Variants in PPHLN1 observed in about 807,000 individuals in gnomAD.
The protein encoded by PPHLN1 is periphilin 1.
PPHLN1 carries 29 observed loss-of-function variants against 51.3 expected under a neutral mutation model. The observed-to-expected ratio is 0.57, with a 90% CI of 0.42 to 0.77. The LOEUF (loss-of-function observed/expected upper bound fraction) is 0.77. PPHLN1 is among the 30% of genes least tolerant of loss of function. The pLI, the probability that PPHLN1 is intolerant of heterozygous loss-of-function variation, is 0.00. For missense variants in PPHLN1, 436 were observed against 438.4 expected (o/e 0.99, Z 0.05); for synonymous variants, 147 against 147.8 (o/e 0.99, Z 0.04).
At chr12:42,353,451 G>A (rs1230351082) in intron 3 of PPHLN1, among the ~76,000 whole-genome samples, 3 of 152,318 alleles carry the variant, frequency 2.0e-5, no homozygotes, top group South Asian at 4.1e-4. Flanking sequence ...ATGGGAGTCT[G>A]GTTTCTCTTA....
chr12:42,332,693 A>G (rs1210590728), intron 1 of PPHLN1: 1 of 1,538,988 alleles, frequency 6.5e-7, no homozygotes, highest in East Asian at 2.3e-5. Flanking sequence ...TGATTCCTAA[A>G]AGGACTCAAG....
Position 42,441,691 on chromosome 12 carries a change from T to C in PPHLN1, c.*182T>C. ...TGTTTAAAATGTTTGATTCAAATTTTTGTATTTTTTGTAGAGATGGGGTTC... is the reference window on the plus strand; with the variant it reads ...TGTTTAAAATGTTTGATTCAAATTTCTGTATTTTTTGTAGAGATGGGGTTC... On this transcript the variant is annotated 3_prime_UTR_variant, in exon 10 of 10. Coordinates refer to ENST00000358314, the MANE Select transcript of PPHLN1 (RefSeq NM_201439.2). 1 of 1,272,166 alleles carries C rather than the reference T, an allele frequency of 7.9e-7. No individual in the cohort carries two copies. Among genetic ancestry groups the C allele is most frequent in the Non-Finnish European group, 1.0e-6 (1 of 994,628 alleles). 78.8% of individuals were successfully genotyped at this position (1,272,166 alleles called of 1,614,324 possible). A position where few individuals can be genotyped will look rare whatever the true frequency, so the allele number is the denominator to read the frequency against.
At chr12:42,446,512 C>T (rs2083331495), downstream of PPHLN1, 2 of 1,525,292 alleles carry the variant, frequency 1.3e-6, no homozygotes, top group African/African-American at 2.8e-5. Flanking sequence ...AAGACCCCCA[C>T]TCCTGGGGGT....
At chr12:42,446,099 C>T, downstream of PPHLN1, 1 of 1,553,438 alleles carries the variant, frequency 6.4e-7, no homozygotes. Context: ...GCAGCCCCTG[C>T]AGCCCCGGAA....
intron 3 of PPHLN1, among the ~76,000 whole-genome samples, chr12:42,354,484 A>G (rs902737543): frequency 1.3e-5 from 2 of 152,326 alleles, no homozygotes; most frequent in East Asian, 1.9e-4. Flanking sequence ...TGCTGGAATT[A>G]CAGGCGTGAG....
At chr12:42,445,074 A>G (rs1265475029), downstream of PPHLN1, 2 of 702,036 alleles carry the variant, frequency 2.8e-6, 1 homozygote, top group South Asian at 3.0e-5. Flanking sequence ...CATTAAGTCT[A>G]CTCTCGAGCC....
At chr12:42,388,658 C>T (rs796279622) in intron 7 of PPHLN1, among the ~76,000 whole-genome samples, 7 of 152,164 alleles carry the variant, frequency 4.6e-5, no homozygotes, top group African/African-American at 1.4e-4. Context: ...CTCAGTCTCT[C>T]GTCCCACCTG....
At chr12:42,433,426 C>T in intron 9 of PPHLN1, 1 of 302,988 alleles carries the variant, frequency 3.3e-6, no homozygotes, top group Non-Finnish European at 6.3e-6. Context: ...GGGTTCATGC[C>T]ATTCTCCTGC....
downstream of PPHLN1, chr12:42,445,812 TA>T (rs2140050701): frequency 2.5e-6 from 2 of 790,620 alleles, no homozygotes; most frequent in East Asian, 5.7e-5. Context: ...TTCTGAAATT[TA>T]GATGATAAAT....
intron 9 of PPHLN1, among the ~76,000 whole-genome samples, chr12:42,412,009 A>G (rs1210311474): frequency 6.6e-6 from 1 of 151,436 alleles, no homozygotes; most frequent in Non-Finnish European, 1.5e-5. Context: ...GTTCGAGACT[A>G]CCCTGGCCAA....
rs547909121 is a variant in PPHLN1, at chr12:42,427,178, C to T, written c.910-14137C>T. ...AAATTATTTCATGAAGACTGGACTA[C>T]CTCATCTGTGAAATTGTAAAAAGAT... is the stretch of plus-strand genomic sequence containing the variant. On this transcript the variant is annotated intron_variant, in intron 9 of 9. Transcript: ENST00000358314. Among the ~76,000 whole-genome samples, 12 of 152,248 alleles carry T rather than the reference C, an allele frequency of 7.9e-5. No homozygotes were observed. In the South Asian group the frequency reaches 2.3e-3, roughly 29 times the overall value.
chr12:42,417,697 A>T (rs1328878957), intron 9 of PPHLN1, among the ~76,000 whole-genome samples: 3 of 140,812 alleles, frequency 2.1e-5, no homozygotes, highest in South Asian at 2.5e-4. Flanking sequence ...GGTGGTGAAG[A>T]TGATGATTTT....
chr12:42,370,078 T>C (rs143770910), intron 4 of PPHLN1, among the ~76,000 whole-genome samples: 302 of 152,374 alleles, frequency 2.0e-3, no homozygotes, highest in South Asian at 4.8e-3. Flanking sequence ...ATTTCTGCTT[T>C]CTGACTTCTG....
chr12:42,328,106 G>A lies in PPHLN1; in HGVS notation c.-21+1877G>A, dbSNP rs143543324. 5.9e-5 allele frequency among the ~76,000 whole-genome samples: 9 copies of A among 152,226 alleles called. No homozygotes were observed. The East Asian group carries it at 1.7e-3, about 29-fold the overall frequency. On this transcript the variant is annotated intron_variant, in intron 1 of 9. Transcript: ENST00000358314. The stretch of plus-strand genomic sequence containing the variant: ...TTGGAATCTGTTTTAAGTCTTGTAG[G>A]GTTTATATAATGGGCTTTGTGGAGA...
At chr12:42,333,784 C>T (rs2406676) in intron 1 of PPHLN1, among the ~76,000 whole-genome samples, 12,320 of 152,216 alleles carry the variant, frequency 0.081, 541 homozygotes, top group East Asian at 0.15. Context: ...GCCCGGCCAA[C>T]CTCCTTTACT....
chr12:42,375,772 T>A (rs913998292), intron 5 of PPHLN1, among the ~76,000 whole-genome samples: 1 of 152,228 alleles, frequency 6.6e-6, no homozygotes, highest in African/African-American at 2.4e-5. Context: ...CTGAGTTGCT[T>A]AGTATGTGTT....
downstream of PPHLN1, chr12:42,446,046 T>G: frequency 1.3e-6 from 2 of 1,549,962 alleles, no homozygotes; most frequent in Non-Finnish European, 1.7e-6. Context: ...GTACCAGAAA[T>G]GAAGGAAACG....
chr12:42,405,636 G>A (rs1026984784), intron 9 of PPHLN1, among the ~76,000 whole-genome samples: 1 of 151,210 alleles, frequency 6.6e-6, no homozygotes, highest in Non-Finnish European at 1.5e-5. Flanking sequence ...ATCAGACAAT[G>A]CAATATATGT....
chr12:42,338,905 T>C (rs943715878), intron 2 of PPHLN1, among the ~76,000 whole-genome samples: 3 of 152,208 alleles, frequency 2.0e-5, no homozygotes, highest in Non-Finnish European at 2.9e-5. Context: ...ATTGAAGTCA[T>C]AGTGACAGGA....
Sources: allele counts gnomAD v4.1 joint callset (sites outside exome capture counted in the v4.1 genomes callset), GRCh38; gene constraint gnomAD v4.1.1; transcripts MANE v1.5; gene names NCBI Gene and HGNC (gene_info 2026-07-23, HGNC 2026-07-21).